Variants in PPM1L observed in about 807,000 individuals in gnomAD.
PPM1L encodes protein phosphatase, Mg2+/Mn2+ dependent 1L.
A neutral mutation model predicts 31.4 loss-of-function variants in PPM1L; 13 were observed. The observed-to-expected ratio is 0.41, with a 90% confidence interval of 0.27 to 0.66. The LOEUF is 0.66. Ranked by LOEUF, PPM1L falls within the 30% of genes least tolerant of loss-of-function variation. PPM1L has a pLI of 0.29. For synonymous variants in PPM1L, 184 were observed against 175.4 expected, an observed-to-expected ratio of 1.05 and a Z score of -0.39; for missense variants, 326 against 453.7, an observed-to-expected ratio of 0.72 and a Z score of 2.56.
At chr3:160,814,716 T>A (rs1458986498) in intron 1 of PPM1L, among the ~76,000 whole-genome samples, 1 of 150,088 alleles carries the variant, frequency 6.7e-6, no homozygotes, top group Non-Finnish European at 1.5e-5. Flanking sequence ...TATATATGTG[T>A]ATGTATACGT....
At chr3:160,888,397 C>T (rs1035087921) in intron 1 of PPM1L, among the ~76,000 whole-genome samples, 8 of 152,206 alleles carry the variant, frequency 5.3e-5, no homozygotes, top group South Asian at 2.1e-4. Context: ...TCTGACAAAA[C>T]GGACTTTAAA....
intron 1 of PPM1L, among the ~76,000 whole-genome samples, chr3:160,775,883 G>A (rs763834633): frequency 2.6e-4 from 40 of 152,284 alleles, no homozygotes; most frequent in Admixed American, 4.6e-4. Context: ...AAATGTAAAT[G>A]AACCATATCA....
chr3:160,953,013 T>G (rs1267874879), intron 1 of PPM1L, among the ~76,000 whole-genome samples: 1 of 152,188 alleles, frequency 6.6e-6, no homozygotes, highest in Non-Finnish European at 1.5e-5. Flanking sequence ...ATTCTTAAAC[T>G]TTTTATCTTG....
intron 1 of PPM1L, among the ~76,000 whole-genome samples, chr3:160,915,408 A>G (rs1463718203): frequency 2.0e-5 from 3 of 152,174 alleles, no homozygotes; most frequent in Non-Finnish European, 4.4e-5. Flanking sequence ...GAGATAAAAG[A>G]GGGATACAAA....
chr3:161,010,774 G>A (rs1717867701), intron 2 of PPM1L, among the ~76,000 whole-genome samples: 1 of 152,206 alleles, frequency 6.6e-6, no homozygotes, highest in Non-Finnish European at 1.5e-5. Flanking sequence ...CTGATGGCCA[G>A]TGATGATGAG....
chr3:160,888,901 TAAA>T lies in PPM1L; in HGVS notation c.400-72834_400-72832del, dbSNP rs146627492. On this transcript the variant is annotated intron_variant, in intron 1 of 3. Coordinates refer to ENST00000498165, the MANE Select transcript of PPM1L (RefSeq NM_139245.4). Reference sequence around the variant, plus strand: ...ATAAATAATGAAATTAGGGCAGAAATAAAGAAGTTCTAAATGAAGAAGAAATAA... The same window carrying T: ...ATAAATAATGAAATTAGGGCAGAAATGAAGTTCTAAATGAAGAAGAAATAA... Among the ~76,000 whole-genome samples, 619 of 151,952 alleles carry T rather than the reference TAAA, an allele frequency of 4.1e-3. 4 individuals are homozygous for T. Among genetic ancestry groups the T allele is most frequent in the African/African-American group, 0.014 (594 of 41,438 alleles).
chr3:160,946,298 A>G (rs1715407554), intron 1 of PPM1L, among the ~76,000 whole-genome samples: 1 of 152,170 alleles, frequency 6.6e-6, no homozygotes, highest in Non-Finnish European at 1.5e-5. Flanking sequence ...TCTACAAAAC[A>G]TTGATAATCA....
chr3:160,828,306 A>G (rs1713415717), intron 1 of PPM1L, among the ~76,000 whole-genome samples: 1 of 152,088 alleles, frequency 6.6e-6, no homozygotes, highest in African/African-American at 2.4e-5. Context: ...ACCAAACCTT[A>G]AAGTCATGAC....
At chr3:161,016,432 T>TG (rs2108068021) in intron 2 of PPM1L, among the ~76,000 whole-genome samples, 1 of 152,264 alleles carries the variant, frequency 6.6e-6, no homozygotes, top group Admixed American at 6.5e-5. Flanking sequence ...ATTTCTAAAT[T>TG]GGGTAAGTAT....
At chr3:160,789,910 A>T (rs1268680349) in intron 1 of PPM1L, among the ~76,000 whole-genome samples, 1 of 152,108 alleles carries the variant, frequency 6.6e-6, no homozygotes, top group South Asian at 2.1e-4. Flanking sequence ...TCAATTTCCT[A>T]ATATAAAGTG....
chr3:160,815,845 G>A (rs1486486756), intron 1 of PPM1L, among the ~76,000 whole-genome samples: 1 of 152,106 alleles, frequency 6.6e-6, no homozygotes, highest in Non-Finnish European at 1.5e-5. Context: ...CTGAATAAGG[G>A]CACACATCCA....
At chr3:160,824,646 C>G (rs1713304907) in intron 1 of PPM1L, among the ~76,000 whole-genome samples, 1 of 152,160 alleles carries the variant, frequency 6.6e-6, no homozygotes, top group South Asian at 2.1e-4. Context: ...ACCATACCTC[C>G]ATCACTAGGA....
chr3:160,962,571 C>T (rs1370299306), intron 2 of PPM1L, among the ~76,000 whole-genome samples: 1 of 150,366 alleles, frequency 6.7e-6, no homozygotes. Flanking sequence ...ATTAAAATTG[C>T]TATACCTCTC....
Position 161,078,712 on chromosome 3 carries a change from T to G in PPM1L, c.*9555T>G, listed in dbSNP as rs1021568641. On this transcript the variant is annotated 3_prime_UTR_variant, in exon 4 of 4. Transcript: ENST00000498165. ...TAGTAGAGCTCAGAGTATATGGCAG[T>G]GCACGGTCACTCAAGATGCATGGCG... 6.6e-6 allele frequency: 1 copy of G among 152,208 alleles called. No homozygotes were observed. The highest frequency in any genetic ancestry group is 2.4e-5 in the African/African-American group (1 of 41,452). The allele number at this position is 152,208 out of a possible 1,614,324, so 9.4% of individuals were successfully genotyped here.
intron 2 of PPM1L, among the ~76,000 whole-genome samples, chr3:161,034,134 C>G (rs1323177604): frequency 6.6e-6 from 1 of 152,112 alleles, no homozygotes; most frequent in Non-Finnish European, 1.5e-5. Context: ...CAAATCAAAA[C>G]CACAATGAGA....
intron 1 of PPM1L, among the ~76,000 whole-genome samples, chr3:160,833,796 A>AT (rs956666058): frequency 4.0e-4 from 59 of 148,426 alleles, no homozygotes; most frequent in African/African-American, 9.9e-4. Flanking sequence ...TCATTTGTCA[A>AT]TTTTTTTTTT....
chr3:160,991,819 T>C (rs981244869), intron 2 of PPM1L, among the ~76,000 whole-genome samples: 3 of 152,238 alleles, frequency 2.0e-5, no homozygotes, highest in Non-Finnish European at 4.4e-5. Context: ...TACTGCATTC[T>C]GTATACATAT....
At chr3:161,047,944 G>T (rs1302639886) in intron 2 of PPM1L, among the ~76,000 whole-genome samples, 1 of 152,146 alleles carries the variant, frequency 6.6e-6, no homozygotes, top group African/African-American at 2.4e-5. Context: ...ATTCAAGATG[G>T]ATTAAAGACT....
At position 160,756,645 on chromosome 3, in the gene PPM1L, A is replaced by G. The variant is rs1259727843; in HGVS notation, c.337A>G (p.Thr113Ala). The change falls in exon 1 of 4, where the codon ACG becomes GCG. Residue 113 changes from threonine (T) to alanine (A), a missense_variant. By Grantham distance (58) the Thr-to-Ala change is moderately conservative. Transcript: ENST00000498165. The surrounding 1 kb of genome is among the most constrained non-coding windows in gnomAD (Gnocchi z 6.2). Reference protein sequence around the residue: ...DHMEDRFEVLTDLANKTHPSI... With the variant: ...DHMEDRFEVLADLANKTHPSI... ...CATGGAGGACCGCTTCGAAGTTCTC[A>G]CGGATCTGGCCAACAAGACGCACCC... The G allele has an allele frequency of 8.1e-6, 13 of 1,613,988 alleles. No homozygotes were observed. The highest frequency in any genetic ancestry group is 1.1e-5 in the Non-Finnish European group (13 of 1,179,916).
Sources: gnomAD v4.1 joint callset for allele counts (sites outside exome capture counted in the v4.1 genomes callset) on GRCh38, gnomAD v4.1.1 for gene constraint, Gnocchi (gnomAD v3.1) non-coding constraint, MANE v1.5 for transcripts, NCBI Gene and HGNC (gene_info 2026-07-23, HGNC 2026-07-21) for gene names.